The following BRIP1 variants were observed in gnomAD, a reference collection of about 807,000 sequenced individuals.
BRIP1 encodes Fanconi anemia group J protein.
In BRIP1, 88 loss-of-function variants were observed where a neutral mutation model predicts 119.7. That is an observed-to-expected ratio of 0.74 (90% CI 0.62 to 0.88). BRIP1 has a LOEUF of 0.88. Ranked by LOEUF, BRIP1 falls within the 40% of genes least tolerant of loss-of-function variation. BRIP1 has a pLI of 0.00. For missense variants in BRIP1, 1,259 were observed against 1,455.4 expected (o/e 0.87, Z 2.20); for synonymous variants, 443 against 496.5 (o/e 0.89, Z 1.43).
chr17:61,690,802 G>GA lies in BRIP1; in HGVS notation c.2575+2627dup, dbSNP rs928931089. Among the ~76,000 whole-genome samples the GA allele has an allele frequency of 5.3e-5, 8 of 151,272 alleles. No homozygotes were observed. Among genetic ancestry groups the GA allele is most frequent in the African/African-American group, 1.5e-4 (6 of 41,150 alleles). On this transcript the variant is annotated intron_variant, in intron 18 of 19. Coordinates refer to ENST00000259008, the MANE Select transcript of BRIP1 (RefSeq NM_032043.3). This position sits in a 1 kb window ranked among gnomAD's most constrained non-coding sequence, Gnocchi z 5.6. Reference sequence around the variant, plus strand: ...TTTTATGTGGAAAACCCTAAAGATTGAAAAAAAACCTGTTAGGACTAATAA... The same window carrying GA: ...TTTTATGTGGAAAACCCTAAAGATTGAAAAAAAAACCTGTTAGGACTAATAA...
chr17:61,826,731 T>TAAAAAAA (rs58466965), intron 6 of BRIP1, among the ~76,000 whole-genome samples: 6 of 75,316 alleles, frequency 8.0e-5, no homozygotes, highest in Non-Finnish European at 9.9e-5. Flanking sequence ...TATTAAAAAG[T>TAAAAAAA]AAAAAAAAAA....
chr17:61,756,099 G>A lies in BRIP1; in HGVS notation c.2098-11508C>T, dbSNP rs559576303. ...TACAATTCTATAGCAAAAACATACT[G>A]GTTATTTTAGTGAAAATGGCCTACA... On this transcript the variant is annotated intron_variant, in intron 14 of 19. Transcript: ENST00000259008. The surrounding 1 kb of genome is among the most constrained non-coding windows in gnomAD (Gnocchi z 4.3). Among the ~76,000 whole-genome samples, 22 of 152,098 alleles carry A rather than the reference G, an allele frequency of 1.4e-4. No individual in the cohort carries two copies. The highest frequency in any genetic ancestry group is 5.1e-4 in the African/African-American group (21 of 41,504).
rs750033391 is a variant in BRIP1 at position 61,744,461 on chromosome 17, T to C, written c.2228A>G (p.Tyr743Cys). ...CTCTCCTTTGTATTTGATTGCGTCATAGTACACCTGCAGTAATTCATCAAA... is the reference window on the plus strand; with the variant it reads ...CTCTCCTTTGTATTTGATTGCGTCACAGTACACCTGCAGTAATTCATCAAA... The part of the protein sequence containing the change: ...TNFDELLQVY[Y>C]DAIKYKGEKD... The change falls in exon 15 of 20, where the codon TAT (tyrosine) becomes TGT (cysteine). Residue 743 changes from tyrosine to cysteine, a missense_variant. By Grantham distance (194) the Tyr-to-Cys change is radical. Around this residue, in one of 3 missense-constraint regions of BRIP1, gnomAD observed 753 missense variants for 891.8 expected, o/e 0.84. Coordinates refer to ENST00000259008, the MANE Select transcript of BRIP1 (RefSeq NM_032043.3). This position sits in a 1 kb window ranked among gnomAD's most constrained non-coding sequence, Gnocchi z 5.0. 6 of 1,613,906 alleles carry C rather than the reference T, an allele frequency of 3.7e-6. No individual in the cohort carries two copies. The highest frequency in any genetic ancestry group is 3.3e-5 in the South Asian group (3 of 91,088).
chr17:61,727,115 C>T lies in BRIP1; in HGVS notation c.2380-11052G>A, dbSNP rs576824027. ...GGTGCATTCAGCAGGTGACAGAGAC[C>T]TACTTCTACCTTATATAACACTGGA... On this transcript the variant is annotated intron_variant, in intron 16 of 19. Transcript: ENST00000259008. 2.6e-5 allele frequency among the ~76,000 whole-genome samples: 4 copies of T among 152,218 alleles called. No homozygotes were observed. In the East Asian group the frequency reaches 7.7e-4, roughly 29 times the overall value.
intron 10 of BRIP1, among the ~76,000 whole-genome samples, chr17:61,784,728 G>C (rs985906498): frequency 6.6e-6 from 1 of 152,208 alleles, no homozygotes; most frequent in East Asian, 1.9e-4. Flanking sequence ...CTGGTTGTTA[G>C]AAAGAGCCTG....
intron 16 of BRIP1, among the ~76,000 whole-genome samples, chr17:61,721,766 C>T (rs1294290668): frequency 7.6e-6 from 1 of 131,564 alleles, no homozygotes; most frequent in Non-Finnish European, 1.6e-5. Flanking sequence ...GGTGCGATCT[C>T]AGCTCACTGC....
intron 16 of BRIP1, among the ~76,000 whole-genome samples, chr17:61,719,534 C>T (rs767222852): frequency 1.8e-4 from 28 of 151,842 alleles, no homozygotes; most frequent in Non-Finnish European, 3.8e-4. Context: ...ACCATCCTGG[C>T]TAACACGGTG....
chr17:61,814,953 T>TA lies in BRIP1; in HGVS notation c.628-6197dup, dbSNP rs2078215071. Among the ~76,000 whole-genome samples, 1 of 151,964 alleles carries TA rather than the reference T, an allele frequency of 6.6e-6. No individual in the cohort carries two copies. The highest frequency in any genetic ancestry group is 1.5e-5 in the Non-Finnish European group (1 of 67,914). ...GCAGTTGAACAGGCTGAGTATGGCT[T>TA]AAACAAAATTGTATTTTCCCCATAA... On this transcript the variant is annotated intron_variant, in intron 6 of 19. Coordinates refer to ENST00000259008, the MANE Select transcript of BRIP1 (RefSeq NM_032043.3). The surrounding 1 kb of genome is among the most constrained non-coding windows in gnomAD (Gnocchi z 4.9).
rs1209289625 is a variant in BRIP1, at chr17:61,780,256, C to G, written c.1935+5G>C. On this transcript the variant is annotated splice_donor_5th_base_variant and intron_variant, in intron 13 of 19. Coordinates refer to ENST00000259008, the MANE Select transcript of BRIP1 (RefSeq NM_032043.3). This position sits in a 1 kb window ranked among gnomAD's most constrained non-coding sequence, Gnocchi z 5.4. ...GGCCTTCCAAAAAAAAAAACAACAA[C>G]TAACCTGTGAATTTTTAATGATATG... 3 of 1,606,038 alleles carry G rather than the reference C, an allele frequency of 1.9e-6. No individual in the cohort carries two copies. Among genetic ancestry groups the G allele is most frequent in the Non-Finnish European group, 2.6e-6 (3 of 1,176,248 alleles).
In BRIP1 at chr17:61,849,224, A is replaced by G. The variant is rs786201292; in HGVS notation, c.412T>C (p.Leu138=). 8 of 1,613,026 alleles carry G rather than the reference A, an allele frequency of 5.0e-6. No individual in the cohort carries two copies. The highest frequency in any genetic ancestry group is 6.8e-6 in the Non-Finnish European group (8 of 1,179,342). ...ATGGATGCCTGTTTCTTAGCAGATA[A>G]CTTTGCAGCCAGAGTGGTTTTTTCA... ...SPEKTTLAAK[L]SAKKQASIYR... Residue 138 remains leucine, a synonymous_variant, in exon 5 of 20, where the codon TTA becomes CTA. Coordinates refer to ENST00000259008, the MANE Select transcript of BRIP1 (RefSeq NM_032043.3).
In BRIP1 at chr17:61,807,798, A is replaced by G. The variant is rs961951571; in HGVS notation, c.918+669T>C. On this transcript the variant is annotated intron_variant, in intron 7 of 19. Transcript: ENST00000259008. This position sits in a 1 kb window ranked among gnomAD's most constrained non-coding sequence, Gnocchi z 4.5. ...AGAGTAAACTAATTATCACACCAGA[A>G]CATAGGCTCCCAAACTAATACTGCC... is the stretch of plus-strand genomic sequence containing the variant. Among the ~76,000 whole-genome samples, 1 of 152,192 alleles carries G rather than the reference A, an allele frequency of 6.6e-6. No individual in the cohort carries two copies. Among genetic ancestry groups the G allele is most frequent in the Non-Finnish European group, 1.5e-5 (1 of 68,006 alleles).
In BRIP1 at chr17:61,681,483, A is replaced by C. The variant is rs1256385493; in HGVS notation, c.*1813T>G. 4.8e-6 allele frequency: 1 copy of C among 210,130 alleles called. No homozygotes were observed. The highest frequency in any genetic ancestry group is 2.3e-5 in the African/African-American group (1 of 44,106). 13.0% of individuals were successfully genotyped at this position (210,130 alleles called of 1,614,324 possible). The stretch of plus-strand genomic sequence containing the variant: ...ATATGACTTAGCAAATCAGTGGCAG[A>C]GCCAGGTGTAGAGCCCAAGTCTCTT... On this transcript the variant is annotated 3_prime_UTR_variant, in exon 20 of 20. Transcript: ENST00000259008. The surrounding 1 kb of genome is among the most constrained non-coding windows in gnomAD (Gnocchi z 5.1).
chr17:61,696,240 A>T (rs9972952), intron 17 of BRIP1, among the ~76,000 whole-genome samples: 1 of 146,724 alleles, frequency 6.8e-6, no homozygotes, highest in Non-Finnish European at 1.5e-5. Context: ...GTGTGGTTTT[A>T]GTCTTCTTTT....
chr17:61,728,939 T>A (rs982171652), intron 16 of BRIP1, among the ~76,000 whole-genome samples: 1 of 152,130 alleles, frequency 6.6e-6, no homozygotes, highest in Non-Finnish European at 1.5e-5. Flanking sequence ...TAGATAAAGA[T>A]CTTTTAAAAA....
At position 61,709,627 on chromosome 17, in the gene BRIP1, T is replaced by C. The variant is rs2061742586; in HGVS notation, c.2492+6324A>G. On this transcript the variant is annotated intron_variant, in intron 17 of 19. Coordinates refer to ENST00000259008, the MANE Select transcript of BRIP1 (RefSeq NM_032043.3). This position sits in a 1 kb window ranked among gnomAD's most constrained non-coding sequence, Gnocchi z 5.0. Reference sequence around the variant, plus strand: ...TTCTATGGTATGGTAGAAAGGTATTTCTGTTAATGAAACAATTCAAAGAAA... The same window carrying C: ...TTCTATGGTATGGTAGAAAGGTATTCCTGTTAATGAAACAATTCAAAGAAA... Among the ~76,000 whole-genome samples the C allele has an allele frequency of 6.6e-6, 1 of 152,204 alleles. No homozygotes were observed. The highest frequency in any genetic ancestry group is 2.4e-5 in the African/African-American group (1 of 41,458).
chr17:61,858,331 G>T (rs1482267045), intron 3 of BRIP1, among the ~76,000 whole-genome samples: 1 of 151,576 alleles, frequency 6.6e-6, no homozygotes, highest in African/African-American at 2.4e-5. Context: ...ATTAACGTCA[G>T]TGAGAATCAA....
At chr17:61,697,526 T>G (rs1352621303) in intron 17 of BRIP1, among the ~76,000 whole-genome samples, 1 of 152,040 alleles carries the variant, frequency 6.6e-6, no homozygotes, top group African/African-American at 2.4e-5. Flanking sequence ...CTCTTTCATT[T>G]CTAATTTTAG....
At chr17:61,854,369 G>A (rs886130678) in intron 4 of BRIP1, among the ~76,000 whole-genome samples, 9 of 151,962 alleles carry the variant, frequency 5.9e-5, no homozygotes, top group Admixed American at 5.9e-4. Flanking sequence ...CTGCTGATGG[G>A]AATATAAAAT....
rs565708842 is a variant in BRIP1 at position 61,703,341 on chromosome 17, C to T, written c.2493-9829G>A. Among the ~76,000 whole-genome samples, 3 of 152,274 alleles carry T rather than the reference C, an allele frequency of 2.0e-5. No individual in the cohort carries two copies. Among genetic ancestry groups the T allele is most frequent in the Middle Eastern group, 3.4e-3 (1 of 294 alleles). On this transcript the variant is annotated intron_variant, in intron 17 of 19. Transcript: ENST00000259008. The surrounding 1 kb of genome is among the most constrained non-coding windows in gnomAD (Gnocchi z 5.0). ...GACCTCCCAGTGCTGAGATTATAGG[C>T]GTGAGCCACCACGCCCAGCCACATT... is the stretch of plus-strand genomic sequence containing the variant.
Sources: allele counts gnomAD v4.1 joint callset (sites outside exome capture counted in the v4.1 genomes callset), GRCh38; gene constraint gnomAD v4.1.1; regional missense constraint gnomAD v4.1.1; non-coding constraint Gnocchi (gnomAD v3.1); transcripts MANE v1.5; gene names NCBI Gene and HGNC (gene_info 2026-07-23, HGNC 2026-07-21).